ENOPH1: variants seen among roughly 807,000 people sequenced by gnomAD.
ENOPH1 encodes the protein enolase-phosphatase 1.
ENOPH1 carries 14 observed loss-of-function variants against 31.1 expected under a neutral mutation model. The observed-to-expected ratio is 0.45, with a 90% CI of 0.30 to 0.70. The LOEUF is 0.70. Ranked by LOEUF, ENOPH1 falls within the 30% of genes least tolerant of loss-of-function variation. The pLI, the probability that ENOPH1 is intolerant of heterozygous loss-of-function variation, is 0.09. For synonymous variants in ENOPH1, 127 were observed against 123.2 expected (o/e 1.03, Z -0.21); for missense variants, 243 against 321.5 (o/e 0.76, Z 1.87).
At chr4:82,454,976 A>G in intron 4 of ENOPH1, 122 bp downstream of exon 4, 1 of 891,908 alleles carries the variant, frequency 1.1e-6, no homozygotes, top group South Asian at 1.8e-5. Flanking sequence ...AAAATTAGGT[A>G]AGAAGAAAAT....
In ENOPH1 at chr4:82,439,631, A is replaced by G. The variant is rs114362303; in HGVS notation, c.85-8289A>G. ...CTATAATCTCAGTTTGTTAATTTGT[A>G]CTTAACCTTTATGTGCCTCTGAAAA... On this transcript the variant is annotated intron_variant, in intron 1 of 5. Transcript: ENST00000273920. 8.4e-3 allele frequency among the ~76,000 whole-genome samples: 1,275 copies of G among 152,326 alleles called. 18 individuals are homozygous for G. Among genetic ancestry groups the G allele is most frequent in the African/African-American group, 0.029 (1,190 of 41,568 alleles).
chr4:82,442,453 G>A (rs551875373), intron 1 of ENOPH1, among the ~76,000 whole-genome samples: 1 of 152,280 alleles, frequency 6.6e-6, no homozygotes, highest in African/African-American at 2.4e-5. Context: ...TCAGGAGGTG[G>A]AGGTTGCAGT....
chr4:82,437,282 C>T (rs1721932111), intron 1 of ENOPH1, among the ~76,000 whole-genome samples: 1 of 152,134 alleles, frequency 6.6e-6, no homozygotes, highest in South Asian at 2.1e-4. Context: ...CAGCTGTCAC[C>T]CTCAGGTTCC....
intron 1 of ENOPH1, among the ~76,000 whole-genome samples, chr4:82,442,318 G>A (rs563980372): frequency 1.3e-5 from 2 of 152,206 alleles, no homozygotes; most frequent in East Asian, 1.9e-4. Context: ...TCAGGAGTTC[G>A]AGACCAGCCT....
At chr4:82,448,460 CCG>C (rs1462142014) in intron 2 of ENOPH1, among the ~76,000 whole-genome samples, 1 of 151,642 alleles carries the variant, frequency 6.6e-6, no homozygotes, top group Non-Finnish European at 1.5e-5. Context: ...TTGGGTTTCA[CCG>C]CATTGGACAG....
intron 1 of ENOPH1, among the ~76,000 whole-genome samples, chr4:82,439,083 G>GCTACCTCTGGACCTTT (rs1721978419): frequency 6.6e-6 from 1 of 152,102 alleles, no homozygotes; most frequent in South Asian, 2.1e-4. Context: ...ATCCTCAGAG[G>GCTACCTCTGGACCTTT]CCCTCCTGGA....
chr4:82,453,922 C>G (rs1722417000), intron 3 of ENOPH1, among the ~76,000 whole-genome samples: 1 of 151,896 alleles, frequency 6.6e-6, no homozygotes, highest in Admixed American at 6.6e-5. Context: ...TCAAAAAATG[C>G]AGGCCGGGTG....
intron 1 of ENOPH1, among the ~76,000 whole-genome samples, chr4:82,431,243 C>G (rs764943850): frequency 1.3e-5 from 2 of 152,252 alleles, no homozygotes; most frequent in Non-Finnish European, 2.9e-5. Flanking sequence ...GGTGTGCACC[C>G]GGTCGCTTCC....
intron 4 of ENOPH1, 149 bp from the exon 5 acceptor site, chr4:82,456,766 G>T (rs1722500675): frequency 2.3e-6 from 2 of 872,818 alleles, no homozygotes; most frequent in Non-Finnish European, 1.7e-6. Context: ...TTTTTACTTT[G>T]TATAGCCTCC....
At chr4:82,431,891 A>T (rs79151332) in intron 1 of ENOPH1, among the ~76,000 whole-genome samples, 6,187 of 151,916 alleles carry the variant, frequency 0.041, 438 homozygotes, top group African/African-American at 0.14. Context: ...TTCCATTTTT[A>T]AAAAAAATTA....
chr4:82,432,244 G>A (rs930166888), intron 1 of ENOPH1, among the ~76,000 whole-genome samples: 2 of 152,180 alleles, frequency 1.3e-5, no homozygotes, highest in Non-Finnish European at 2.9e-5. Flanking sequence ...ACACTTTTAG[G>A]ACACCAAACA....
rs1721713764 is a variant in ENOPH1 at position 82,430,718 on chromosome 4, A to G, written c.-112A>G. On this transcript the variant is annotated 5_prime_UTR_variant, in exon 1 of 6. Transcript: ENST00000273920. ...GCTGCACTTGGTCGCTGGCTCCGAG[A>G]TCGCGCGGGGCCGCCGGAAGCCCAA... is the stretch of plus-strand genomic sequence containing the variant. 3.1e-6 allele frequency: 3 copies of G among 969,126 alleles called. No homozygotes were observed. The highest frequency in any genetic ancestry group is 2.4e-4 in the Middle Eastern group (1 of 4,240). The allele number at this position is 969,126 out of a possible 1,614,324, so 60.0% of individuals were successfully genotyped here.
rs554040733 is a variant in ENOPH1 at position 82,430,959 on chromosome 4, GTTA to G, written c.84+52_84+54del. The G allele has an allele frequency of 4.4e-4, 690 of 1,561,514 alleles. 1 individual carries two copies. The African/African-American group carries it at 8.6e-3, about 20-fold the overall frequency. On this transcript the variant is annotated intron_variant, in intron 1 of 5. Coordinates refer to ENST00000273920, the MANE Select transcript of ENOPH1 (RefSeq NM_021204.5). ...GGGATGTTACTTTTCCTTAAAAACA[GTTA>G]TTATTTTTTCTAAGTATTTCAGGCC...
intron 4 of ENOPH1, 120 bp downstream of exon 4, chr4:82,454,974 G>A (rs1722445598): frequency 1.1e-6 from 1 of 912,664 alleles, no homozygotes; most frequent in Non-Finnish European, 1.6e-6. Context: ...TTAAAATTAG[G>A]TAAGAAGAAA....
At chr4:82,431,115 C>G (rs1233465551) in intron 1 of ENOPH1, among the ~76,000 whole-genome samples, 1 of 152,192 alleles carries the variant, frequency 6.6e-6, no homozygotes, top group Non-Finnish European at 1.5e-5. Context: ...CTCCCTCCCC[C>G]GCCCTTGCGC....
At chr4:82,434,086 C>G (rs1721843170) in intron 1 of ENOPH1, among the ~76,000 whole-genome samples, 1 of 152,084 alleles carries the variant, frequency 6.6e-6, no homozygotes, top group African/African-American at 2.4e-5. Flanking sequence ...GAAACAAAGC[C>G]TCTGAAAAGT....
At chr4:82,455,562 C>T (rs541770127) in intron 4 of ENOPH1, among the ~76,000 whole-genome samples, 7 of 151,936 alleles carry the variant, frequency 4.6e-5, no homozygotes, top group South Asian at 2.1e-4. Flanking sequence ...GGGCGGATCA[C>T]GAGGTCAGGA....
intron 3 of ENOPH1, among the ~76,000 whole-genome samples, chr4:82,453,174 T>G (rs1722399223): frequency 6.6e-6 from 1 of 152,230 alleles, no homozygotes; most frequent in African/African-American, 2.4e-5. Flanking sequence ...AGTGCTGGGA[T>G]TACAGGTGTG....
intron 2 of ENOPH1, among the ~76,000 whole-genome samples, chr4:82,448,270 G>GT (rs148325475): frequency 0.16 from 23,840 of 145,078 alleles, 2,469 homozygotes; most frequent in Non-Finnish European, 0.23. Context: ...TGTTTTTTTT[G>GT]TTTTTTTTTG....
Sources: gnomAD v4.1 joint callset for allele counts (sites outside exome capture counted in the v4.1 genomes callset) on GRCh38, gnomAD v4.1.1 for gene constraint, MANE v1.5 for transcripts, NCBI Gene and HGNC (gene_info 2026-07-23, HGNC 2026-07-21) for gene names.